Variants in THSD7A observed in about 807,000 individuals in gnomAD.
The protein encoded by THSD7A is thrombospondin type-1 domain-containing protein 7A.
A neutral mutation model predicts 231.3 loss-of-function variants in THSD7A; 96 were observed. That is an observed-to-expected ratio of 0.41 (90% CI 0.35 to 0.49). The LOEUF is 0.49. Among genes scored for constraint, THSD7A ranks in the 20% least tolerant of loss-of-function variants. THSD7A has a pLI of 0.05. For missense variants in THSD7A, 2,290 were observed against 2,070.2 expected, an observed-to-expected ratio of 1.11 and a Z score of -2.06; for synonymous variants, 940 against 743.3, an observed-to-expected ratio of 1.26 and a Z score of -4.30.
chr7:11,716,339 A>G (rs1781136419), intron 1 of THSD7A, among the ~76,000 whole-genome samples: 1 of 151,528 alleles, frequency 6.6e-6, no homozygotes, highest in African/African-American at 2.4e-5. Context: ...GCAGGTGATA[A>G]TAATGAAGTA....
intron 1 of THSD7A, among the ~76,000 whole-genome samples, chr7:11,781,030 A>T (rs1783611591): frequency 7.1e-6 from 1 of 141,796 alleles, no homozygotes; most frequent in Non-Finnish European, 1.5e-5. Context: ...AAAAAAAAAA[A>T]AAAAAAAATT....
At chr7:11,738,035 A>ATATC (rs150186669) in intron 1 of THSD7A, among the ~76,000 whole-genome samples, 25 of 151,686 alleles carry the variant, frequency 1.6e-4, no homozygotes, top group East Asian at 7.8e-4. Context: ...TTATATATCT[A>ATATC]TATCTATCTA....
At position 11,412,688 on chromosome 7, in the gene THSD7A, T is replaced by C. The variant is rs1783825746; in HGVS notation, c.3650A>G (p.Lys1217Arg). Reference protein sequence around the residue: ...AVEKEPCNLNKNCYHYDYNVT... With the variant: ...AVEKEPCNLNRNCYHYDYNVT... ...ATTATAATCATAGTGGTAGCAGTTT[T>C]TGTTCAGGTTACAGGGTTCTTTCTC... The change falls in exon 18 of 28, where the codon AAA becomes AGA. Residue 1217 changes from lysine to arginine, a missense_variant. By Grantham distance (26) the Lys-to-Arg change is conservative (BLOSUM62 2). Transcript: ENST00000423059. The C allele has an allele frequency of 6.2e-7, 1 of 1,613,840 alleles. No homozygotes were observed. The highest frequency in any genetic ancestry group is 8.5e-7 in the Non-Finnish European group (1 of 1,179,808).
chr7:11,466,137 AAAG>A (rs1256889010), intron 9 of THSD7A, among the ~76,000 whole-genome samples: 7 of 152,182 alleles, frequency 4.6e-5, no homozygotes, highest in Non-Finnish European at 5.9e-5. Context: ...GTGATTTTAA[AAAG>A]AAGGATAGTC....
At chr7:11,405,079 G>A (rs903182626) in intron 22 of THSD7A, among the ~76,000 whole-genome samples, 1 of 151,350 alleles carries the variant, frequency 6.6e-6, no homozygotes, top group African/African-American at 2.4e-5. Flanking sequence ...CCCTATCAGG[G>A]TTATTTTATT....
At chr7:11,503,770 C>T (rs1787433985) in intron 6 of THSD7A, among the ~76,000 whole-genome samples, 1 of 152,190 alleles carries the variant, frequency 6.6e-6, no homozygotes, top group South Asian at 2.1e-4. Context: ...TACCATCTTA[C>T]ACCAGTCAGA....
At chr7:11,821,385 C>T in intron 1 of THSD7A, 1 of 442,748 alleles carries the variant, frequency 2.3e-6, no homozygotes. Context: ...CTCCCTTGCC[C>T]TGATTTTAAA....
intron 1 of THSD7A, among the ~76,000 whole-genome samples, chr7:11,830,683 T>A (rs1439843616): frequency 6.6e-6 from 1 of 152,210 alleles, no homozygotes; most frequent in African/African-American, 2.4e-5. Context: ...AAATTCCAGA[T>A]ATCGATAGTG....
rs1428442186 is a variant in THSD7A at position 11,377,172 on chromosome 7, G to C, written c.4802-515C>G. On this transcript the variant is annotated intron_variant, in intron 26 of 27. Transcript: ENST00000423059. The surrounding 1 kb of genome is among the most constrained non-coding windows in gnomAD (Gnocchi z 4.5). ...TATGGAATTAATAATCTTTTATCTA[G>C]TCTGCACTTACAATGTGTTTTAAAA... The C allele has an allele frequency of 6.6e-6, 1 of 151,918 alleles. No individual in the cohort carries two copies. The highest frequency in any genetic ancestry group is 2.4e-5 in the African/African-American group (1 of 41,374). The allele number at this position is 151,918 out of a possible 1,614,324, so 9.4% of individuals were successfully genotyped here. A position where few individuals can be genotyped will look rare whatever the true frequency, so the allele number is the denominator to read the frequency against.
At chr7:11,663,059 A>C (rs1782991077) in intron 1 of THSD7A, among the ~76,000 whole-genome samples, 1 of 150,570 alleles carries the variant, frequency 6.6e-6, no homozygotes, top group Non-Finnish European at 1.5e-5. Flanking sequence ...AAATACTAAG[A>C]GTAAAAACTT....
At chr7:11,547,049 A>G (rs1789429586) in intron 4 of THSD7A, among the ~76,000 whole-genome samples, 2 of 152,192 alleles carry the variant, frequency 1.3e-5, no homozygotes, top group South Asian at 2.1e-4. Flanking sequence ...TATGTGAAAT[A>G]TGGGATTATG....
At position 11,379,223 on chromosome 7, in the gene THSD7A, G is replaced by C; in HGVS notation, c.4648C>G (p.Leu1550Val). The C allele has an allele frequency of 6.2e-7, 1 of 1,613,648 alleles. No homozygotes were observed. The highest frequency in any genetic ancestry group is 8.5e-7 in the Non-Finnish European group (1 of 1,179,652). ...YTEVMSSNST[L>V]EQCTLIPVVV... is the part of the protein sequence containing the mutation. ...ACGGGGATAAGTGTGCATTGCTCAA[G>C]GGTGCTGTTAGAAGACATGACTTCA... Residue 1550 changes from leucine to valine, a missense_variant, in exon 26 of 28, where the codon CTT (leucine) becomes GTT (valine). Coordinates refer to ENST00000423059, the MANE Select transcript of THSD7A (RefSeq NM_015204.3).
chr7:11,723,752 A>G (rs561619720), intron 1 of THSD7A, among the ~76,000 whole-genome samples: 28 of 152,050 alleles, frequency 1.8e-4, no homozygotes, highest in Non-Finnish European at 3.5e-4. Flanking sequence ...AAGGTTCTGA[A>G]AAACAACCGT....
chr7:11,541,907 A>AC (rs1789165994), intron 5 of THSD7A, among the ~76,000 whole-genome samples: 1 of 149,952 alleles, frequency 6.7e-6, no homozygotes, highest in South Asian at 2.1e-4. Flanking sequence ...TATAGTACCC[A>AC]TCTCCCTTGT....
At position 11,471,672 on chromosome 7, in the gene THSD7A, A is replaced by C. The variant is rs575330976; in HGVS notation, c.2253-1678T>G. 1.1e-4 allele frequency among the ~76,000 whole-genome samples: 17 copies of C among 152,172 alleles called. No individual in the cohort carries two copies. In the South Asian group the frequency reaches 3.3e-3, roughly 30 times the overall value. ...ATTTATCTTGCGCTGGAATTTCCCT[A>C]ATTTCTATGACTATTCAAAGTCACG... On this transcript the variant is annotated intron_variant, in intron 8 of 27. Transcript: ENST00000423059.
chr7:11,574,679 G>T (rs540731493), intron 4 of THSD7A, among the ~76,000 whole-genome samples: 1 of 150,536 alleles, frequency 6.6e-6, no homozygotes, highest in African/African-American at 2.5e-5. Flanking sequence ...CTCGTGATCC[G>T]CCCACCTCGG....
chr7:11,519,527 C>G (rs1315761681), intron 6 of THSD7A, among the ~76,000 whole-genome samples: 3 of 152,184 alleles, frequency 2.0e-5, no homozygotes, highest in African/African-American at 4.8e-5. Flanking sequence ...CTGGAAAGTT[C>G]TCTTGCTCCA....
At chr7:11,459,906 C>T (rs1183634993) in intron 11 of THSD7A, among the ~76,000 whole-genome samples, 1 of 151,824 alleles carries the variant, frequency 6.6e-6, no homozygotes, top group Non-Finnish European at 1.5e-5. Flanking sequence ...ATGTATTATG[C>T]TACATTTTAA....
At chr7:11,740,288 G>A (rs924014175) in intron 1 of THSD7A, among the ~76,000 whole-genome samples, 38 of 151,930 alleles carry the variant, frequency 2.5e-4, no homozygotes, top group Admixed American at 1.6e-3. Context: ...TCCCAGAGAC[G>A]GGGACAGCTG....
Sources: allele counts gnomAD v4.1 joint callset (sites outside exome capture counted in the v4.1 genomes callset), GRCh38; gene constraint gnomAD v4.1.1; non-coding constraint Gnocchi (gnomAD v3.1); transcripts MANE v1.5; gene names NCBI Gene and HGNC (gene_info 2026-07-23, HGNC 2026-07-21).